The following AP1AR variants were observed in gnomAD, a reference collection of about 807,000 sequenced individuals.
AP1AR encodes the protein adaptor related protein complex 1 associated regulatory protein.
Under a neutral mutation model 46.3 loss-of-function variants are expected in AP1AR, and 29 were observed. The ratio of observed to expected loss-of-function variants is 0.63; its 90% CI spans 0.47 to 0.85. The LOEUF is 0.85. Among genes scored for constraint, AP1AR ranks in the 40% least tolerant of loss-of-function variants. The pLI, the probability that AP1AR is intolerant of heterozygous loss-of-function variation, is 0.00. For synonymous variants in AP1AR, 122 were observed against 122.9 expected (o/e 0.99, Z 0.05); for missense variants, 357 against 356.3 (o/e 1.00, Z -0.02).
chr4:112,264,941 C>T, intron 6 of AP1AR, 68 bp from the exon 7 acceptor site: 1 of 1,203,004 alleles, frequency 8.3e-7, no homozygotes, highest in South Asian at 1.6e-5. Flanking sequence ...TTTGGTGTTG[C>T]ATGAGTGGTT....
intron 1 of AP1AR, among the ~76,000 whole-genome samples, chr4:112,251,613 A>G (rs1725966175): frequency 6.6e-6 from 1 of 152,208 alleles, no homozygotes; most frequent in African/African-American, 2.4e-5. Context: ...GAAGATAGTG[A>G]TGGTTGCAGG....
intron 1 of AP1AR, among the ~76,000 whole-genome samples, chr4:112,251,491 CT>C (rs1725960796): frequency 1.3e-5 from 2 of 152,344 alleles, no homozygotes; most frequent in East Asian, 3.9e-4. Flanking sequence ...TGAAGTCATA[CT>C]GATGGCTCCT....
At position 112,270,265 on chromosome 4, in the gene AP1AR, T is replaced by C. The variant is rs1726895736; in HGVS notation, c.*1856T>C. 1.3e-5 allele frequency among the ~76,000 whole-genome samples: 2 copies of C among 152,208 alleles called. No homozygotes were observed. The highest frequency in any genetic ancestry group is 1.3e-4 in the Admixed American group (2 of 15,280). On this transcript the variant is annotated 3_prime_UTR_variant, in exon 10 of 10. Coordinates refer to ENST00000274000, the MANE Select transcript of AP1AR (RefSeq NM_018569.6). ...CTAGAAATAACTTATTCAGCAAATATTGGAATAGTATTTAATATTATTGGA... is the reference window on the plus strand; with the variant it reads ...CTAGAAATAACTTATTCAGCAAATACTGGAATAGTATTTAATATTATTGGA...
At chr4:112,234,648 T>C (rs1244638572) in intron 1 of AP1AR, among the ~76,000 whole-genome samples, 3 of 138,720 alleles carry the variant, frequency 2.2e-5, no homozygotes, top group African/African-American at 7.6e-5. Context: ...AAGGTTAAAC[T>C]CTTATTTTAG....
intron 1 of AP1AR, among the ~76,000 whole-genome samples, chr4:112,249,673 T>G (rs946793508): frequency 4.6e-5 from 7 of 151,872 alleles, no homozygotes; most frequent in Non-Finnish European, 2.9e-5. Flanking sequence ...TATATATATA[T>G]ATAATTTTTT....
chr4:112,268,018 G>A (rs1726778315), intron 9 of AP1AR, 126 bp from the exon 10 acceptor site: 5 of 942,800 alleles, frequency 5.3e-6, no homozygotes, highest in Non-Finnish European at 7.4e-6. Context: ...ATGGGACTGG[G>A]TCTTTAAGTT....
intron 4 of AP1AR, among the ~76,000 whole-genome samples, chr4:112,259,716 T>C (rs1392894386): frequency 3.3e-5 from 5 of 152,148 alleles, no homozygotes; most frequent in African/African-American, 9.7e-5. Context: ...GAGGTACTAA[T>C]TGATAGAACA....
intron 1 of AP1AR, among the ~76,000 whole-genome samples, chr4:112,233,074 C>T (rs2110460449): frequency 6.6e-6 from 1 of 152,234 alleles, no homozygotes; most frequent in African/African-American, 2.4e-5. Flanking sequence ...CTGAACCAAG[C>T]CAGTTTGTGT....
intron 1 of AP1AR, among the ~76,000 whole-genome samples, chr4:112,237,415 GT>G (rs1423930623): frequency 6.7e-6 from 1 of 150,114 alleles, no homozygotes. Flanking sequence ...CAAATACAGT[GT>G]TTTCTAACCC....
chr4:112,238,585 G>A (rs1725352295), intron 1 of AP1AR, among the ~76,000 whole-genome samples: 1 of 152,162 alleles, frequency 6.6e-6, no homozygotes, highest in South Asian at 2.1e-4. Flanking sequence ...AAGATAGGAA[G>A]GAAAACAGTA....
intron 1 of AP1AR, among the ~76,000 whole-genome samples, chr4:112,243,263 T>C (rs531582130): frequency 1.3e-5 from 2 of 152,364 alleles, no homozygotes; most frequent in East Asian, 3.9e-4. Context: ...ATTTAAGTCT[T>C]ATGTCTTGGA....
intron 3 of AP1AR, 125 bp downstream of exon 3, chr4:112,254,898 A>T: frequency 2.1e-6 from 1 of 478,624 alleles, no homozygotes; most frequent in South Asian, 6.0e-5. Context: ...TCTGGTTTTT[A>T]TTTTTACTTT....
chr4:112,257,247 G>A (rs1351196659), intron 3 of AP1AR, among the ~76,000 whole-genome samples: 5 of 152,096 alleles, frequency 3.3e-5, no homozygotes, highest in African/African-American at 1.2e-4. Context: ...AGTGTCTGTC[G>A]CCCTGTTCTA....
At position 112,260,852 on chromosome 4, in the gene AP1AR, T is replaced by G; in HGVS notation, c.272T>G (p.Ile91Ser). ...AEKQKDLDKK[I>S]QKELALQEEK... ...AAACAAAAAGATCTTGATAAGAAAA[T>G]TCAAAAAGAGGTAAATTGTCTTTTA... Residue 91 changes from isoleucine (I) to serine (S), a missense_variant, in exon 5 of 10, where the codon ATT becomes AGT. By Grantham distance (142) the Ile-to-Ser change is moderately radical. Coordinates refer to ENST00000274000, the MANE Select transcript of AP1AR (RefSeq NM_018569.6). 1 of 1,584,460 alleles carries G rather than the reference T, an allele frequency of 6.3e-7. No homozygotes were observed. The highest frequency in any genetic ancestry group is 8.6e-7 in the Non-Finnish European group (1 of 1,161,358).
chr4:112,234,149 G>A (rs1381090935), intron 1 of AP1AR, among the ~76,000 whole-genome samples: 2 of 152,132 alleles, frequency 1.3e-5, no homozygotes, highest in Non-Finnish European at 2.9e-5. Context: ...ATGAGCCACC[G>A]CGCCCGGCCA....
intron 1 of AP1AR, among the ~76,000 whole-genome samples, chr4:112,246,138 A>T (rs1431648029): frequency 6.6e-6 from 1 of 152,184 alleles, no homozygotes; most frequent in Non-Finnish European, 1.5e-5. Context: ...ATGAAATATT[A>T]CTACACAGTA....
intron 6 of AP1AR, among the ~76,000 whole-genome samples, chr4:112,263,682 C>T (rs1436808722): frequency 2.0e-5 from 3 of 152,092 alleles, no homozygotes; most frequent in Admixed American, 2.0e-4. Context: ...ACCATAATGC[C>T]TGGCAGCTGT....
intron 1 of AP1AR, among the ~76,000 whole-genome samples, chr4:112,246,745 A>T (rs553748266): frequency 6.6e-6 from 1 of 152,320 alleles, no homozygotes; most frequent in South Asian, 2.1e-4. Flanking sequence ...TAGATTCAGA[A>T]CAAAGAAAGT....
chr4:112,252,090 G>A (rs1578412164), intron 1 of AP1AR, among the ~76,000 whole-genome samples: 1 of 152,056 alleles, frequency 6.6e-6, no homozygotes, highest in East Asian at 1.9e-4. Context: ...AAAAATAAGT[G>A]AAGCCAAGCA....
Sources: gnomAD v4.1 joint callset for allele counts (sites outside exome capture counted in the v4.1 genomes callset) on GRCh38, gnomAD v4.1.1 for gene constraint, MANE v1.5 for transcripts, NCBI Gene and HGNC (gene_info 2026-07-23, HGNC 2026-07-21) for gene names.